The following SMARCC1 variants were observed in gnomAD, a reference collection of about 807,000 sequenced individuals.
SMARCC1 encodes the protein SWI/SNF related BAF chromatin remodeling complex subunit C1.
SMARCC1 carries 43 observed loss-of-function variants against 147.4 expected under a neutral mutation model. The observed-to-expected ratio is 0.29, with a 90% confidence interval of 0.23 to 0.38. The LOEUF is 0.38. Among genes scored for constraint, SMARCC1 ranks in the 10% least tolerant of loss-of-function variants. The probability of loss-of-function intolerance (pLI) is 1.00; values close to 1 mark genes in which losing one functional copy is unlikely to be tolerated. For missense variants in SMARCC1, 1,119 were observed against 1,381.1 expected, an observed-to-expected ratio of 0.81 and a Z score of 3.01; for synonymous variants, 495 against 484.4, an observed-to-expected ratio of 1.02 and a Z score of -0.29.
intron 21 of SMARCC1, among the ~76,000 whole-genome samples, chr3:47,639,773 CTG>C (rs1226539755): frequency 2.0e-5 from 3 of 150,114 alleles, no homozygotes; most frequent in Non-Finnish European, 3.0e-5. Context: ...TAAGCAAAAA[CTG>C]AGAGTGGCAG....
chr3:47,681,812 T>A (rs1282568553), intron 14 of SMARCC1, among the ~76,000 whole-genome samples: 2 of 152,132 alleles, frequency 1.3e-5, no homozygotes, highest in Non-Finnish European at 2.9e-5. Context: ...CTTAAAAGAA[T>A]AACCGTAAGG....
At chr3:47,721,317 G>A (rs2034230323) in intron 6 of SMARCC1, among the ~76,000 whole-genome samples, 1 of 152,068 alleles carries the variant, frequency 6.6e-6, no homozygotes. Context: ...CCCAACAAGA[G>A]TGTAAGCAAT....
chr3:47,692,886 C>T (rs986667583), intron 12 of SMARCC1, among the ~76,000 whole-genome samples: 9 of 151,876 alleles, frequency 5.9e-5, no homozygotes, highest in Non-Finnish European at 8.8e-5. Flanking sequence ...GGCGTGGTGG[C>T]GCAAGCCTGT....
intron 12 of SMARCC1, among the ~76,000 whole-genome samples, chr3:47,690,358 G>GGGTA (rs2033775954): frequency 6.6e-6 from 1 of 152,110 alleles, no homozygotes; most frequent in Non-Finnish European, 1.5e-5. Flanking sequence ...GAGAGGAAGT[G>GGGTA]GGTAGGTGGA....
At chr3:47,665,950 G>A (rs558396537) in intron 19 of SMARCC1, among the ~76,000 whole-genome samples, 7 of 151,576 alleles carry the variant, frequency 4.6e-5, no homozygotes, top group African/African-American at 1.7e-4. Context: ...CTCATAGATC[G>A]ATTATTATAA....
chr3:47,689,383 T>A lies in SMARCC1; in HGVS notation c.1263+4A>T. 6.2e-7 allele frequency: 1 copy of A among 1,611,374 alleles called. No individual in the cohort carries two copies. The highest frequency in any genetic ancestry group is 1.7e-5 in the Admixed American group (1 of 60,008). ...TCTCACACCAGGCTTAACTGAATTG[T>A]TACCTTTCCTCCTGCTGTGACTGTT... On this transcript the variant is annotated splice_donor_region_variant and intron_variant, in intron 13 of 27. Coordinates refer to ENST00000254480, the MANE Select transcript of SMARCC1 (RefSeq NM_003074.4).
Position 47,675,544 on chromosome 3 carries a change from CTTGTTTTTCT to C in SMARCC1, c.1760_1769del (p.Glu587GlyfsTer22), listed in dbSNP as rs774358537. ...AGTTCTGCAAATCAACTGGTTTTTC[CTTGTTTTTCT>C]CAGGAAAATTTAGCATCTGTTGAGC... is the stretch of plus-strand genomic sequence containing the variant. On this transcript the variant is annotated frameshift_variant, in exon 18 of 28. Transcript: ENST00000254480. LOFTEE classifies it high-confidence loss of function. 1 of 1,612,906 alleles carries C rather than the reference CTTGTTTTTCT, an allele frequency of 6.2e-7. No individual in the cohort carries two copies. The highest frequency in any genetic ancestry group is 8.5e-7 in the Non-Finnish European group (1 of 1,178,960).
intron 14 of SMARCC1, 71 bp from the exon 15 acceptor site, chr3:47,680,579 GCT>G (rs2033631722): frequency 1.2e-6 from 1 of 866,706 alleles, no homozygotes; most frequent in Non-Finnish European, 1.6e-6. Flanking sequence ...ACGGAGTCTC[GCT>G]CTGTCGCCCA....
In SMARCC1 at chr3:47,638,611, G is replaced by A. The variant is rs1455864472; in HGVS notation, c.2376+114C>T. ...TATACCTTAAACCAGCAAAGTCCAA[G>A]TAGCTGATAGAATTATTTAGAGTCC... On this transcript the variant is annotated intron_variant, in intron 22 of 27. Transcript: ENST00000254480. 57 of 739,620 alleles carry A rather than the reference G, an allele frequency of 7.7e-5. 2 individuals are homozygous for A. In the South Asian group the frequency reaches 8.0e-4, roughly 10 times the overall value. 45.8% of individuals were successfully genotyped at this position (739,620 alleles called of 1,614,324 possible).
intron 2 of SMARCC1, among the ~76,000 whole-genome samples, chr3:47,760,958 C>T (rs2034766171): frequency 6.6e-6 from 1 of 152,014 alleles, no homozygotes; most frequent in African/African-American, 2.4e-5. Flanking sequence ...CATGGTGAAA[C>T]CCCATCTCTA....
At chr3:47,725,391 G>A (rs1018716534) in intron 6 of SMARCC1, among the ~76,000 whole-genome samples, 3 of 152,074 alleles carry the variant, frequency 2.0e-5, no homozygotes, top group Non-Finnish European at 4.4e-5. Flanking sequence ...AATTAACAGT[G>A]ATGGCTGCAC....
intron 19 of SMARCC1, among the ~76,000 whole-genome samples, chr3:47,669,962 T>C (rs531815371): frequency 6.6e-6 from 1 of 152,324 alleles, no homozygotes; most frequent in African/African-American, 2.4e-5. Context: ...CCTTTTTCAT[T>C]ATGTTGACAT....
intron 2 of SMARCC1, among the ~76,000 whole-genome samples, chr3:47,753,790 C>T (rs2034657008): frequency 6.7e-6 from 1 of 149,046 alleles, no homozygotes; most frequent in African/African-American, 2.5e-5. Flanking sequence ...AAGGAGTATT[C>T]ACATTTCTAA....
chr3:47,722,775 T>C (rs978275036), intron 6 of SMARCC1, among the ~76,000 whole-genome samples: 1 of 152,294 alleles, frequency 6.6e-6, no homozygotes. Flanking sequence ...GCCAATGCCA[T>C]TGAAAGATGA....
rs139453626 is a variant in SMARCC1, at chr3:47,658,516, A to G, written c.2320+2778T>C. On this transcript the variant is annotated intron_variant, in intron 21 of 27. Coordinates refer to ENST00000254480, the MANE Select transcript of SMARCC1 (RefSeq NM_003074.4). ...CTTCAGGACATTTCTTATAAATGCA[A>G]TCATATAATATATTGGCTATTTTCA... Among the ~76,000 whole-genome samples the G allele has an allele frequency of 7.8e-3, 1,183 of 152,344 alleles. 9 individuals carry two copies. Among genetic ancestry groups the G allele is most frequent in the Non-Finnish European group, 0.012 (844 of 68,036 alleles).
chr3:47,780,168 G>GTTTTTTTTTTTTTTTTTTT (rs10662354), intron 1 of SMARCC1, among the ~76,000 whole-genome samples: 17 of 61,882 alleles, frequency 2.7e-4, no homozygotes, highest in Non-Finnish European at 2.8e-4. Context: ...GTTTTTTTTT[G>GTTTTTTTTTTTTTTTTTTT]TTTTTTTTTT....
At chr3:47,726,400 C>T (rs1261706009) in intron 6 of SMARCC1, among the ~76,000 whole-genome samples, 1 of 152,054 alleles carries the variant, frequency 6.6e-6, no homozygotes, top group Non-Finnish European at 1.5e-5. Context: ...AAGAGTTTAA[C>T]TCTATTTGGA....
chr3:47,689,490 T>C, intron 12 of SMARCC1, 66 bp from the exon 13 acceptor site: 2 of 1,365,386 alleles, frequency 1.5e-6, no homozygotes, highest in Non-Finnish European at 2.1e-6. Flanking sequence ...ATTTGGAAAA[T>C]TAATGGTCTA....
At chr3:47,640,962 T>C (rs765194331) in intron 21 of SMARCC1, among the ~76,000 whole-genome samples, 2 of 152,192 alleles carry the variant, frequency 1.3e-5, no homozygotes, top group Non-Finnish European at 2.9e-5. Context: ...CATTGAAAAG[T>C]ATCTGACAAA....
Sources: allele counts gnomAD v4.1 joint callset (sites outside exome capture counted in the v4.1 genomes callset), GRCh38; gene constraint gnomAD v4.1.1; transcripts MANE v1.5; gene names NCBI Gene and HGNC (gene_info 2026-07-23, HGNC 2026-07-21).